Variants in SCNN1B observed in about 807,000 individuals in gnomAD.
SCNN1B encodes the protein sodium channel epithelial 1 subunit beta.
Under a neutral mutation model 65.3 loss-of-function variants are expected in SCNN1B, and 46 were observed. That is an observed-to-expected ratio of 0.70 (90% CI 0.56 to 0.90). The LOEUF is 0.90. Ranked by LOEUF, SCNN1B falls within the 40% of genes least tolerant of loss-of-function variation. SCNN1B has a pLI of 0.00. For missense variants in SCNN1B, 751 were observed against 830.5 expected (o/e 0.90, Z 1.18); for synonymous variants, 349 against 330.6 (o/e 1.06, Z -0.60).
chr16:23,309,906 C>T (rs963532810), intron 1 of SCNN1B, among the ~76,000 whole-genome samples: 1 of 152,202 alleles, frequency 6.6e-6, no homozygotes, highest in Non-Finnish European at 1.5e-5. Context: ...TCTCTCTTGG[C>T]CCCCGTGAGA....
intron 1 of SCNN1B, among the ~76,000 whole-genome samples, chr16:23,312,693 A>G (rs1467760110): frequency 6.6e-6 from 1 of 152,108 alleles, no homozygotes; most frequent in Non-Finnish European, 1.5e-5. Context: ...GAGTGGAGAG[A>G]GGGCAAATGT....
intron 4 of SCNN1B, among the ~76,000 whole-genome samples, chr16:23,362,726 G>A (rs1417338282): frequency 1.3e-5 from 2 of 152,226 alleles, no homozygotes; most frequent in African/African-American, 2.4e-5. Context: ...GAGGGGACCT[G>A]GCCACACCCC....
intron 2 of SCNN1B, among the ~76,000 whole-genome samples, chr16:23,293,046 T>C (rs1194384029): frequency 4.7e-5 from 6 of 128,896 alleles, no homozygotes; most frequent in Non-Finnish European, 9.3e-5. Flanking sequence ...ACCCGGGAGG[T>C]GAAGTTTGCA....
chr16:23,317,660 G>A (rs1397230965), intron 1 of SCNN1B, among the ~76,000 whole-genome samples: 6 of 152,152 alleles, frequency 3.9e-5, no homozygotes, highest in Admixed American at 6.5e-5. Context: ...TCCCCAGAGC[G>A]GCTGGCACAC....
At chr16:23,366,482 G>T (rs547758848) in intron 4 of SCNN1B, among the ~76,000 whole-genome samples, 1 of 151,642 alleles carries the variant, frequency 6.6e-6, no homozygotes, top group Non-Finnish European at 1.5e-5. Flanking sequence ...GCCTGTAATC[G>T]CAGCACTTTG....
At chr16:23,368,078 G>C in intron 5 of SCNN1B, 119 bp downstream of exon 5, 1 of 848,960 alleles carries the variant, frequency 1.2e-6, no homozygotes, top group South Asian at 1.3e-5. Context: ...GGCATCAAGA[G>C]GAGTGGCTGC....
chr16:23,333,872 C>A (rs1393617252), intron 1 of SCNN1B, among the ~76,000 whole-genome samples: 4 of 152,164 alleles, frequency 2.6e-5, no homozygotes, highest in Non-Finnish European at 5.9e-5. Flanking sequence ...CTATTTACGT[C>A]ATGGATTGAG....
chr16:23,292,144 C>A (rs1016033419), intron 2 of SCNN1B, among the ~76,000 whole-genome samples: 1 of 151,584 alleles, frequency 6.6e-6, no homozygotes, highest in Non-Finnish European at 1.5e-5. Context: ...AGTTCATTCT[C>A]AGCAATCCCT....
chr16:23,370,167 G>A (rs950645450), intron 5 of SCNN1B, among the ~76,000 whole-genome samples: 3 of 152,118 alleles, frequency 2.0e-5, no homozygotes, highest in African/African-American at 7.2e-5. Context: ...GTGCAGTGGC[G>A]CAATCTCGGC....
chr16:23,282,210 T>G (rs1313225806), intron 1 of SCNN1B, among the ~76,000 whole-genome samples: 1 of 152,076 alleles, frequency 6.6e-6, no homozygotes, highest in Non-Finnish European at 1.5e-5. Context: ...CTTGTACCCA[T>G]AAATCCATAA....
intron 2 of SCNN1B, among the ~76,000 whole-genome samples, chr16:23,350,143 G>C (rs1051364277): frequency 3.2e-4 from 49 of 152,172 alleles, no homozygotes; most frequent in African/African-American, 1.2e-3. Context: ...TAGGCACTGT[G>C]TTCAGTGTTC....
chr16:23,319,232 G>C (rs542110650), intron 1 of SCNN1B, among the ~76,000 whole-genome samples: 1 of 152,234 alleles, frequency 6.6e-6, no homozygotes, highest in East Asian at 1.9e-4. Flanking sequence ...AGTGGAGACA[G>C]GGTTTCACCG....
At chr16:23,365,620 A>AGAAAGAAAGAGAGAGAAAGAAAGAAAG (rs11399911) in intron 4 of SCNN1B, among the ~76,000 whole-genome samples, 1 of 80,418 alleles carries the variant, frequency 1.2e-5, no homozygotes, top group South Asian at 4.6e-4. Flanking sequence ...AAAGAAAGAA[A>AGAAAGAAAGAGAGAGAAAGAAAGAAAG]AAAGAAAGAA....
chr16:23,372,783 C>T (rs1962812171), intron 7 of SCNN1B, among the ~76,000 whole-genome samples: 1 of 151,028 alleles, frequency 6.6e-6, no homozygotes, highest in South Asian at 2.1e-4. Context: ...TGAGCCACCG[C>T]ACCCGGACTT....
chr16:23,317,514 T>A (rs1013236827), intron 1 of SCNN1B, among the ~76,000 whole-genome samples: 3 of 152,138 alleles, frequency 2.0e-5, no homozygotes, highest in African/African-American at 7.2e-5. Flanking sequence ...GGAGCTTTTG[T>A]GTGGAACAGG....
Position 23,362,329 on chromosome 16 carries a change from C to CA in SCNN1B, c.777-5513dup, listed in dbSNP as rs113611025. Among the ~76,000 whole-genome samples, 598 of 121,502 alleles carry CA rather than the reference C, an allele frequency of 4.9e-3. 2 individuals are homozygous for CA. Among genetic ancestry groups the CA allele is most frequent in the South Asian group, 8.5e-3 (31 of 3,668 alleles). The allele number at this position is 121,502 out of a possible 152,430, so 79.7% of individuals were successfully genotyped here. Reference sequence around the variant, plus strand: ...CACTGCACTCCAGCCTGAGCAATCTCAAAAAAAAAAAAAATAAAGTTAAAT... The same window carrying CA: ...CACTGCACTCCAGCCTGAGCAATCTCAAAAAAAAAAAAAAATAAAGTTAAAT... On this transcript the variant is annotated intron_variant, in intron 4 of 12. Coordinates refer to ENST00000343070, the MANE Select transcript of SCNN1B (RefSeq NM_000336.3).
chr16:23,280,975 A>C (rs751872128), intron 1 of SCNN1B, among the ~76,000 whole-genome samples: 9 of 152,232 alleles, frequency 5.9e-5, no homozygotes, highest in Non-Finnish European at 1.0e-4. Context: ...AATGATGTCC[A>C]ACATGCCAGA....
At chr16:23,278,518 A>C (rs9931113) in intron 1 of SCNN1B, among the ~76,000 whole-genome samples, 54,990 of 151,728 alleles carry the variant, frequency 0.36, 15,098 homozygotes, top group African/African-American at 0.78. Flanking sequence ...AGAATAGGTA[A>C]ATCCATGCAG....
chr16:23,378,567 T>C, intron 10 of SCNN1B, 139 bp from the exon 11 acceptor site: 2 of 769,770 alleles, frequency 2.6e-6, no homozygotes, highest in Non-Finnish European at 2.3e-6. Flanking sequence ...ACCTTCCTCC[T>C]GCTCCTCATC....
Sources: allele counts gnomAD v4.1 joint callset (sites outside exome capture counted in the v4.1 genomes callset), GRCh38; gene constraint gnomAD v4.1.1; transcripts MANE v1.5; gene names NCBI Gene and HGNC (gene_info 2026-07-23, HGNC 2026-07-21).